Variants in IBTK observed in about 807,000 individuals in gnomAD.
The protein encoded by IBTK is inhibitor of Bruton tyrosine kinase.
A neutral mutation model predicts 154.9 loss-of-function variants in IBTK; 83 were observed. That is an observed-to-expected ratio of 0.54 (90% CI 0.45 to 0.64). IBTK has a LOEUF of 0.64. Ranked by LOEUF, IBTK falls within the 30% of genes least tolerant of loss-of-function variation. The pLI is 0.00. For missense variants in IBTK, 1,332 were observed against 1,584.6 expected, an observed-to-expected ratio of 0.84 and a Z score of 2.71; for synonymous variants, 515 against 536.1, an observed-to-expected ratio of 0.96 and a Z score of 0.54.
chr6:82,200,479 C>T (rs888865308), intron 20 of IBTK, 108 bp downstream of exon 20: 9 of 1,048,596 alleles, frequency 8.6e-6, no homozygotes, highest in South Asian at 5.2e-5. Flanking sequence ...TTTCATCTTC[C>T]AATACCAACA....
intron 9 of IBTK, among the ~76,000 whole-genome samples, chr6:82,219,923 C>A (rs1420774234): frequency 6.6e-6 from 1 of 152,044 alleles, no homozygotes; most frequent in East Asian, 1.9e-4. Context: ...TTAACAGTTA[C>A]ATGAGGCCAG....
rs556040025 is a variant in IBTK, at chr6:82,184,966, C to T, written c.3576-2938G>A. Reference sequence around the variant, plus strand: ...GGAGGCCAAGGTGGATGGATCATGACGAGGTCAGGAGTTCGAAACCAGCCT... The same window carrying T: ...GGAGGCCAAGGTGGATGGATCATGATGAGGTCAGGAGTTCGAAACCAGCCT... On this transcript the variant is annotated intron_variant, in intron 25 of 28. Coordinates refer to ENST00000306270, the MANE Select transcript of IBTK (RefSeq NM_015525.4). 1.6e-4 allele frequency among the ~76,000 whole-genome samples: 24 copies of T among 151,790 alleles called. No individual in the cohort carries two copies. In the South Asian group the frequency reaches 4.6e-3, roughly 29 times the overall value.
At chr6:82,232,436 C>G (rs1770544626) in intron 3 of IBTK, among the ~76,000 whole-genome samples, 1 of 152,024 alleles carries the variant, frequency 6.6e-6, no homozygotes, top group Non-Finnish European at 1.5e-5. Context: ...AGGGTAAAGC[C>G]CATTAAACTG....
intron 27 of IBTK, chr6:82,172,934 A>C (rs1767980455): frequency 5.2e-6 from 1 of 193,084 alleles, no homozygotes; most frequent in Admixed American, 5.6e-5. Context: ...CAGTACGGAG[A>C]GGATACAAGT....
intron 13 of IBTK, among the ~76,000 whole-genome samples, chr6:82,212,354 A>G (rs1403335743): frequency 6.6e-6 from 1 of 152,222 alleles, no homozygotes; most frequent in Non-Finnish European, 1.5e-5. Flanking sequence ...TTTATACTAA[A>G]GGCAATAATC....
At chr6:82,199,081 C>A (rs1300295749) in intron 21 of IBTK, among the ~76,000 whole-genome samples, 1 of 151,954 alleles carries the variant, frequency 6.6e-6, no homozygotes, top group Non-Finnish European at 1.5e-5. Flanking sequence ...CTAATTAACA[C>A]TAATTAATGT....
At chr6:82,231,160 C>A (rs1217817444) in intron 4 of IBTK, among the ~76,000 whole-genome samples, 2 of 152,110 alleles carry the variant, frequency 1.3e-5, no homozygotes, top group African/African-American at 4.8e-5. Flanking sequence ...AACTCTATAG[C>A]CTTTCCAGAC....
rs766506460 is a variant in IBTK at position 82,214,643 on chromosome 6, A to G, written c.1788T>C (p.Asp596=). The G allele has an allele frequency of 6.2e-7, 1 of 1,614,032 alleles. No homozygotes were observed. Among genetic ancestry groups the G allele is most frequent in the South Asian group, 1.1e-5 (1 of 91,074 alleles). The change falls in exon 12 of 29, where the codon GAT becomes GAC. Residue 596 remains aspartate (D), a synonymous_variant. Transcript: ENST00000306270. ...SDFFQKLFLS[D]GNTSEFTDIY... Reference sequence around the variant, plus strand: ...TATCTGTAAATTCTGAAGTATTACCATCTGAAAGAAACAATTTCTGAAAAA... The same window carrying G: ...TATCTGTAAATTCTGAAGTATTACCGTCTGAAAGAAACAATTTCTGAAAAA...
intron 5 of IBTK, among the ~76,000 whole-genome samples, chr6:82,226,535 G>A (rs756388441): frequency 2.6e-5 from 4 of 151,120 alleles, no homozygotes; most frequent in South Asian, 2.1e-4. Flanking sequence ...AAATCTTAAT[G>A]AGAAGTTAAA....
chr6:82,206,920 G>C (rs995825274), intron 16 of IBTK, among the ~76,000 whole-genome samples: 3 of 152,090 alleles, frequency 2.0e-5, no homozygotes, highest in Non-Finnish European at 2.9e-5. Flanking sequence ...ACCAGGAATA[G>C]AAATAATCTT....
intron 1 of IBTK, among the ~76,000 whole-genome samples, chr6:82,242,281 A>G (rs1322427880): frequency 6.6e-6 from 1 of 152,086 alleles, no homozygotes. Context: ...AGGCAGGAGA[A>G]TCGCTTGAAC....
chr6:82,247,219 G>C (rs1404760601), intron 1 of IBTK, among the ~76,000 whole-genome samples: 1 of 152,246 alleles, frequency 6.6e-6, no homozygotes, highest in Non-Finnish European at 1.5e-5. Context: ...CACAGGAATG[G>C]CTTCAAATCC....
rs751449115 is a variant in IBTK at position 82,204,820 on chromosome 6, T to C, written c.2611+37A>G. The C allele has an allele frequency of 4.0e-6, 5 of 1,258,766 alleles. No individual in the cohort carries two copies. In the South Asian group the frequency reaches 6.8e-5, roughly 17 times the overall value. 78.0% of individuals were successfully genotyped at this position (1,258,766 alleles called of 1,614,324 possible). A position where few individuals can be genotyped will look rare whatever the true frequency, so the allele number is the denominator to read the frequency against. ...AAAGTACAGTAATCCTTGATGAACC[T>C]GAAAACATATTAATATTCAAACTCA... On this transcript the variant is annotated intron_variant, in intron 17 of 28. Transcript: ENST00000306270.
At chr6:82,192,861 A>G (rs1279363212) in intron 23 of IBTK, among the ~76,000 whole-genome samples, 13 of 152,084 alleles carry the variant, frequency 8.5e-5, no homozygotes, top group African/African-American at 3.1e-4. Context: ...GCACTTTGGG[A>G]GGCCGAGGTG....
At chr6:82,211,638 G>T (rs1769648925) in intron 13 of IBTK, 66 bp from the exon 14 acceptor site, 1 of 1,331,492 alleles carries the variant, frequency 7.5e-7, no homozygotes, top group East Asian at 2.4e-5. Context: ...AAGATTATAG[G>T]ATTTGGCTTA....
At chr6:82,181,423 A>T (rs753372870) in intron 26 of IBTK, among the ~76,000 whole-genome samples, 4 of 152,168 alleles carry the variant, frequency 2.6e-5, no homozygotes, top group Non-Finnish European at 5.9e-5. Flanking sequence ...GTAAAAGAAG[A>T]CAGATTTTAC....
chr6:82,223,915 C>T (rs1770197651), intron 7 of IBTK, among the ~76,000 whole-genome samples, 153 bp downstream of exon 7: 1 of 152,154 alleles, frequency 6.6e-6, no homozygotes, highest in Non-Finnish European at 1.5e-5. Context: ...GCACCCTGAA[C>T]TCCAGCTAGG....
At chr6:82,238,645 T>G (rs1290653542) in intron 2 of IBTK, among the ~76,000 whole-genome samples, 1 of 152,094 alleles carries the variant, frequency 6.6e-6, no homozygotes, top group Non-Finnish European at 1.5e-5. Context: ...TTCACCATGT[T>G]GGCCAGGCTA....
chr6:82,212,250 T>C (rs1038221079), intron 13 of IBTK, among the ~76,000 whole-genome samples: 2 of 152,106 alleles, frequency 1.3e-5, no homozygotes, highest in African/African-American at 4.8e-5. Flanking sequence ...CCCCCCAAAG[T>C]GCTGAGATTA....
Sources: gnomAD v4.1 joint callset for allele counts (sites outside exome capture counted in the v4.1 genomes callset) on GRCh38, gnomAD v4.1.1 for gene constraint, MANE v1.5 for transcripts, NCBI Gene and HGNC (gene_info 2026-07-23, HGNC 2026-07-21) for gene names.